The following PCDHA3 variants were observed in gnomAD, a reference collection of about 807,000 sequenced individuals.
The protein encoded by PCDHA3 is protocadherin alpha 3, also known as protocadherin alpha-3.
Under a neutral mutation model 62.2 loss-of-function variants are expected in PCDHA3, and 41 were observed. That is an observed-to-expected ratio of 0.66 (90% CI 0.51 to 0.86). The LOEUF is 0.86. Ranked by LOEUF, PCDHA3 falls within the 40% of genes least tolerant of loss-of-function variation. The probability of loss-of-function intolerance (pLI) is 0.00; values close to 1 mark genes in which losing one functional copy is unlikely to be tolerated. For synonymous variants in PCDHA3, 640 were observed against 555.4 expected (o/e 1.15, Z -2.14); for missense variants, 1,304 against 1,241.2 (o/e 1.05, Z -0.76).
At chr5:140,857,662 TGGG>T (rs782196034) in intron 1 of PCDHA3, 1 of 1,596,528 alleles carries the variant, frequency 6.3e-7, no homozygotes. Context: ...GCGCGCGCGA[TGGG>T]GGCGTGCCGC....
chr5:140,830,452 GA>G (rs2150186813), intron 1 of PCDHA3: 1 of 1,597,194 alleles, frequency 6.3e-7, no homozygotes, highest in Non-Finnish European at 8.5e-7. Flanking sequence ...GTAAGGCGGA[GA>G]ATCAGGATTT....
intron 1 of PCDHA3, among the ~76,000 whole-genome samples, chr5:140,897,463 T>C (rs573452029): frequency 6.6e-6 from 1 of 151,924 alleles, no homozygotes; most frequent in African/African-American, 2.4e-5. Flanking sequence ...CTTGCGATAG[T>C]TTACTGAGAA....
At chr5:140,887,459 G>T (rs532781133) in intron 1 of PCDHA3, among the ~76,000 whole-genome samples, 4 of 152,126 alleles carry the variant, frequency 2.6e-5, no homozygotes, top group Non-Finnish European at 5.9e-5. Flanking sequence ...TTTTTTAAAA[G>T]ATATAATTCA....
rs148093365 is a variant in PCDHA3, at chr5:140,827,932, A to C, written c.2394+24341A>C. 566 of 1,026,442 alleles carry C rather than the reference A, an allele frequency of 5.5e-4. 1 individual carries two copies. The African/African-American group carries it at 8.1e-3, about 15-fold the overall frequency. 63.6% of individuals were successfully genotyped at this position (1,026,442 alleles called of 1,614,324 possible). A position where few individuals can be genotyped will look rare whatever the true frequency, so the allele number is the denominator to read the frequency against. On this transcript the variant is annotated intron_variant, in intron 1 of 3. Coordinates refer to ENST00000522353, the MANE Select transcript of PCDHA3 (RefSeq NM_018906.3). Reference sequence around the variant, plus strand: ...TGATGTCGCTGTCTACCATGAAGTTATAGCTAGCCAACATTCAAATTTCTT... The same window carrying C: ...TGATGTCGCTGTCTACCATGAAGTTCTAGCTAGCCAACATTCAAATTTCTT...
At chr5:140,876,033 T>A in intron 1 of PCDHA3, 1 of 1,613,668 alleles carries the variant, frequency 6.2e-7, no homozygotes, top group South Asian at 1.1e-5. Context: ...CAAAAAAAGA[T>A]AAAAGTATAT....
At chr5:140,808,322 A>T in intron 1 of PCDHA3, 2 of 1,614,226 alleles carry the variant, frequency 1.2e-6, no homozygotes, top group Non-Finnish European at 1.7e-6. Context: ...CGACAAAGAC[A>T]TGGGTGTCAA....
chr5:140,904,047 A>C (rs1554191240), intron 1 of PCDHA3, among the ~76,000 whole-genome samples: 1 of 152,164 alleles, frequency 6.6e-6, no homozygotes, highest in Admixed American at 6.6e-5. Flanking sequence ...TAATTTTTTT[A>C]TTTCAATGGG....
chr5:140,828,092 A>G (rs2150150860), intron 1 of PCDHA3: 2 of 1,598,744 alleles, frequency 1.3e-6, no homozygotes, highest in East Asian at 2.2e-5. Context: ...GGTATTTGAC[A>G]TGGTGTTTAC....
intron 1 of PCDHA3, chr5:140,863,615 T>C (rs1290782399): frequency 1.2e-5 from 4 of 339,092 alleles, no homozygotes; most frequent in South Asian, 4.8e-5. Context: ...ATGTCCCTCA[T>C]AGTGACATTG....
chr5:140,882,859 G>A (rs2059337136), intron 1 of PCDHA3: 1 of 1,614,192 alleles, frequency 6.2e-7, no homozygotes, highest in East Asian at 2.2e-5. Context: ...TTGTACTGAG[G>A]AAAACACTGG....
chr5:140,869,247 C>T (rs1186478553), intron 1 of PCDHA3: 8 of 1,613,526 alleles, frequency 5.0e-6, no homozygotes, highest in Middle Eastern at 1.7e-4. Flanking sequence ...TGGGCCGCAT[C>T]GCGCAGGACC....
chr5:141,001,069 C>T (rs1422093659), intron 3 of PCDHA3, among the ~76,000 whole-genome samples: 15 of 152,106 alleles, frequency 9.9e-5, no homozygotes, highest in African/African-American at 3.1e-4. Flanking sequence ...AAATTAAATA[C>T]ATGCAAAATA....
At position 140,833,643 on chromosome 5, in the gene PCDHA3, C is replaced by T. The variant is rs2150210110; in HGVS notation, c.2394+30052C>T. On this transcript the variant is annotated intron_variant, in intron 1 of 3. Coordinates refer to ENST00000522353, the MANE Select transcript of PCDHA3 (RefSeq NM_018906.3). Reference sequence around the variant, plus strand: ...GAATACTTCCTCCTCAAAAAGTTCACATGATACAAATTCTTCCCCTTCAAA... The same window carrying T: ...GAATACTTCCTCCTCAAAAAGTTCATATGATACAAATTCTTCCCCTTCAAA... Among the ~76,000 whole-genome samples the T allele has an allele frequency of 6.6e-5, 10 of 152,284 alleles. No homozygotes were observed. The East Asian group carries it at 1.4e-3, about 21-fold the overall frequency.
intron 1 of PCDHA3, among the ~76,000 whole-genome samples, chr5:140,954,934 T>A (rs1417357535): frequency 2.6e-5 from 4 of 152,208 alleles, no homozygotes; most frequent in African/African-American, 9.6e-5. Flanking sequence ...TTAATTAATC[T>A]TGAGTTAATT....
chr5:140,949,068 CTT>C (rs1199095008), intron 1 of PCDHA3, among the ~76,000 whole-genome samples: 2 of 151,676 alleles, frequency 1.3e-5, no homozygotes, highest in African/African-American at 4.8e-5. Context: ...TGATTTAACT[CTT>C]TCACCCATTT....
At chr5:140,858,465 T>G in intron 1 of PCDHA3, 1 of 1,522,706 alleles carries the variant, frequency 6.6e-7, no homozygotes, top group African/African-American at 1.4e-5. Flanking sequence ...ATTTTCCTTT[T>G]GTGCTTTATG....
intron 1 of PCDHA3, chr5:140,848,792 C>CAG (rs2150420729): frequency 1.3e-6 from 2 of 1,592,840 alleles, no homozygotes; most frequent in Non-Finnish European, 8.6e-7. Context: ...GCGGGCGGAG[C>CAG]GCGGAGTGCA....
intron 1 of PCDHA3, among the ~76,000 whole-genome samples, chr5:140,872,937 A>C (rs2053993403): frequency 6.6e-6 from 1 of 152,034 alleles, no homozygotes; most frequent in South Asian, 2.1e-4. Flanking sequence ...TGTTTTTGAA[A>C]TTTTCTTTCC....
intron 1 of PCDHA3, among the ~76,000 whole-genome samples, chr5:140,952,977 C>G (rs148504111): frequency 6.6e-6 from 1 of 152,064 alleles, no homozygotes; most frequent in East Asian, 1.9e-4. Flanking sequence ...TTTTAAACAA[C>G]AAGATCTCAT....
Sources: allele counts gnomAD v4.1 joint callset (sites outside exome capture counted in the v4.1 genomes callset), GRCh38; gene constraint gnomAD v4.1.1; transcripts MANE v1.5; gene names NCBI Gene and HGNC (gene_info 2026-07-23, HGNC 2026-07-21).